Variants in HSPG2 observed in about 807,000 individuals in gnomAD.
HSPG2 encodes basement membrane-specific heparan sulfate proteoglycan core protein.
Under a neutral mutation model 526.6 loss-of-function variants are expected in HSPG2, and 278 were observed. The observed-to-expected ratio is 0.53, with a 90% CI of 0.48 to 0.58. The LOEUF (loss-of-function observed/expected upper bound fraction) is 0.58, where lower values mean the gene tolerates loss of function less well. Ranked by LOEUF, HSPG2 falls within the 20% of genes least tolerant of loss-of-function variation. The pLI is 0.00. For synonymous variants in HSPG2, 2,465 were observed against 2,555.4 expected, an observed-to-expected ratio of 0.96 and a Z score of 1.07; for missense variants, 5,354 against 6,099.5, an observed-to-expected ratio of 0.88 and a Z score of 4.07.
In HSPG2 at chr1:21,884,593, C is replaced by T. The variant is rs776764696; in HGVS notation, c.1589G>A (p.Cys530Tyr). The part of the protein sequence containing the change: ...PCFCFGITSV[C>Y]QSTRRFRDQI... ...GTCCCGGAAGCGGCGGGTGCTCTGG[C>T]ACACGCTGGTGATGCCAAAGCAGAA... The change falls in exon 13 of 97, where the codon TGC (cysteine) becomes TAC (tyrosine). Residue 530 changes from cysteine to tyrosine, a missense_variant. By Grantham distance (194) the Cys-to-Tyr change is radical. Coordinates refer to ENST00000374695, the MANE Select transcript of HSPG2 (RefSeq NM_005529.7). The T allele has an allele frequency of 6.2e-7, 1 of 1,610,600 alleles. No individual in the cohort carries two copies. The highest frequency in any genetic ancestry group is 8.5e-7 in the Non-Finnish European group (1 of 1,179,770).
Position 21,828,266 on chromosome 1 carries a change from T to C in HSPG2, c.12398A>G (p.Asp4133Gly). 5 of 1,613,592 alleles carry C rather than the reference T, an allele frequency of 3.1e-6. No homozygotes were observed. The highest frequency in any genetic ancestry group is 4.2e-6 in the Non-Finnish European group (5 of 1,180,004). Reference sequence around the variant, plus strand: ...GCAGGCTTTCCCACCTTTGAATCCATCTCGACACAGGCACTGGAACTCATA... The same window carrying C: ...GCAGGCTTTCCCACCTTTGAATCCACCTCGACACAGGCACTGGAACTCATA... ...GEYEFQCLCR[D>G]GFKGDLCEHE... The change falls in exon 89 of 97, where the codon GAT becomes GGT. Residue 4133 changes from aspartate to glycine, a missense_variant. Coordinates refer to ENST00000374695, the MANE Select transcript of HSPG2 (RefSeq NM_005529.7). The surrounding 1 kb of genome is among the most constrained non-coding windows in gnomAD (Gnocchi z 6.0).
At chr1:21,916,068 G>GAA (rs550337052) in intron 1 of HSPG2, among the ~76,000 whole-genome samples, 18 of 47,774 alleles carry the variant, frequency 3.8e-4, no homozygotes, top group East Asian at 1.9e-3. Context: ...AAAAGAAGAA[G>GAA]AAGAAAAAAA....
At chr1:21,899,584 T>G (rs1642979541) in intron 1 of HSPG2, among the ~76,000 whole-genome samples, 5 of 152,120 alleles carry the variant, frequency 3.3e-5, no homozygotes, top group Non-Finnish European at 7.4e-5. Context: ...CAGCTACCAC[T>G]GTGCTATATC....
chr1:21,885,369 G>A lies in HSPG2; in HGVS notation c.1161C>T (p.His387=). ...STNMCIPASF[H]CDEESDCPDR... ...CAGGACAGTCGCTCTCCTCGTCACA[G>A]TGGAAGCTGGCTGGGATGCACATGT... The change falls in exon 10 of 97, where the codon CAC becomes CAT. Residue 387 remains histidine (H), a synonymous_variant. Transcript: ENST00000374695. 6.2e-7 allele frequency: 1 copy of A among 1,614,154 alleles called. No individual in the cohort carries two copies. Among genetic ancestry groups the A allele is most frequent in the Non-Finnish European group, 8.5e-7 (1 of 1,180,022 alleles).
At chr1:21,905,261 C>CCACACA (rs112940334) in intron 1 of HSPG2, among the ~76,000 whole-genome samples, 7 of 146,104 alleles carry the variant, frequency 4.8e-5, no homozygotes, top group Non-Finnish European at 7.5e-5. Context: ...CCACACACAC[C>CCACACA]CACACACACA....
Position 21,854,639 on chromosome 1 carries a change from C to A in HSPG2, c.6260G>T (p.Arg2087Leu). The change falls in exon 49 of 97, where the codon CGA becomes CTA. Residue 2087 changes from arginine (R) to leucine (L), a missense_variant. Physicochemically the swap from Arg to Leu is moderately radical, Grantham distance 102. Transcript: ENST00000374695. The part of the protein sequence containing the change: ...SAHAQVTWYR[R>L]GGSLPPHTQV... The stretch of plus-strand genomic sequence containing the variant: ...GGTGTGGGGAGGCAGGCTACCCCCT[C>A]GCCTGTACCAGGTGACCTGGGCATG... 1 of 1,582,910 alleles carries A rather than the reference C, an allele frequency of 6.3e-7. No homozygotes were observed. Among genetic ancestry groups the A allele is most frequent in the Non-Finnish European group, 8.6e-7 (1 of 1,163,686 alleles).
Position 21,864,051 on chromosome 1 carries a change from C to A in HSPG2, c.4740+49G>T, listed in dbSNP as rs757604763. On this transcript the variant is annotated intron_variant, in intron 37 of 96. Coordinates refer to ENST00000374695, the MANE Select transcript of HSPG2 (RefSeq NM_005529.7). The surrounding 1 kb of genome is among the most constrained non-coding windows in gnomAD (Gnocchi z 4.8). ...GCCTTGTCCAGCCCTGGTCCCCCAC[C>A]CAGGCCCAGCTGAGCTGACCCCCTG... The A allele has an allele frequency of 7.0e-7, 1 of 1,418,922 alleles. No homozygotes were observed. Among genetic ancestry groups the A allele is most frequent in the South Asian group, 1.2e-5 (1 of 81,350 alleles). 87.9% of individuals were successfully genotyped at this position (1,418,922 alleles called of 1,614,324 possible).
At position 21,895,909 on chromosome 1, in the gene HSPG2, T is replaced by C. The variant is rs758597771; in HGVS notation, c.244+13A>G. On this transcript the variant is annotated intron_variant, in intron 3 of 96. Coordinates refer to ENST00000374695, the MANE Select transcript of HSPG2 (RefSeq NM_005529.7). The surrounding 1 kb of genome is among the most constrained non-coding windows in gnomAD (Gnocchi z 4.1). ...ACAGGAGGGAGACCTGCAGGAGGCC[T>C]GCAGCAACTTACCCATCTGGAAGTC... is the stretch of plus-strand genomic sequence containing the variant. The C allele has an allele frequency of 6.2e-7, 1 of 1,613,678 alleles. No individual in the cohort carries two copies. Among genetic ancestry groups the C allele is most frequent in the Non-Finnish European group, 8.5e-7 (1 of 1,179,700 alleles).
chr1:21,892,927 G>C (rs1043949748), intron 3 of HSPG2, among the ~76,000 whole-genome samples: 4 of 151,920 alleles, frequency 2.6e-5, no homozygotes, highest in Admixed American at 6.5e-5. Flanking sequence ...AAGGACACTG[G>C]TGCAGCCAGC....
Position 21,865,702 on chromosome 1 carries a change from T to C in HSPG2, c.4314+15A>G. ...CTGCCCTTCTGCCCACCCAGCATGG[T>C]GTCCAAATGCTCACCGTGATCTGCA... On this transcript the variant is annotated intron_variant, in intron 34 of 96. Transcript: ENST00000374695. This position sits in a 1 kb window ranked among gnomAD's most constrained non-coding sequence, Gnocchi z 5.4. 2 of 1,603,106 alleles carry C rather than the reference T, an allele frequency of 1.2e-6. No homozygotes were observed. The highest frequency in any genetic ancestry group is 8.5e-7 in the Non-Finnish European group (1 of 1,170,508).
chr1:21,852,994 G>A lies in HSPG2; in HGVS notation c.6516C>T (p.Asn2172=). 1 of 1,613,792 alleles carries A rather than the reference G, an allele frequency of 6.2e-7. No homozygotes were observed. ...HVAEGQTLDL[N]CVVPGQAHAQ... ...CGTGGGCCTGCCCGGGCACCACGCA[G>A]TTCAGATCCAGGGTCTGCCCTTCCG... is the stretch of plus-strand genomic sequence containing the variant. Residue 2172 remains asparagine, a synonymous_variant, in exon 51 of 97, where the codon AAC becomes AAT. Transcript: ENST00000374695.
rs757944521 is a variant in HSPG2, at chr1:21,831,779, C to A, written c.11225G>T (p.Gly3742Val). 1 of 1,601,806 alleles carries A rather than the reference C, an allele frequency of 6.2e-7. No individual in the cohort carries two copies. Among genetic ancestry groups the A allele is most frequent in the Non-Finnish European group, 8.5e-7 (1 of 1,171,858 alleles). ...TGTGGGATGGCGGATGGTGGCCATGCCTGAGCCTGCATCGAACCTGCTCCG... is the reference window on the plus strand; with the variant it reads ...TGTGGGATGGCGGATGGTGGCCATGACTGAGCCTGCATCGAACCTGCTCCG... Reference protein sequence around the residue: ...RPEFRFDAGSGMATIRHPTPL... With the variant: ...RPEFRFDAGSVMATIRHPTPL... The change falls in exon 82 of 97, where the codon GGC becomes GTC. Residue 3742 changes from glycine to valine, a missense_variant. By Grantham distance (109) the Gly-to-Val change is moderately radical. Transcript: ENST00000374695.
rs756566103 is a variant in HSPG2, at chr1:21,881,464, G to T, written c.1693C>A (p.Pro565Thr). ...ATCTGCAGCTGCGTGGAGGAGAGGG[G>T]TGGCGTGCCGGGCTGCGCAGGCATT... is the stretch of plus-strand genomic sequence containing the variant. ...VTMPAQPGTP[P>T]LSSTQLQIDP... Residue 565 changes from proline to threonine, a missense_variant, in exon 14 of 97, where the codon CCC (proline) becomes ACC (threonine). Physicochemically the swap from Pro to Thr is conservative, Grantham distance 38. Coordinates refer to ENST00000374695, the MANE Select transcript of HSPG2 (RefSeq NM_005529.7). The T allele has an allele frequency of 5.6e-6, 9 of 1,613,194 alleles. No individual in the cohort carries two copies. The South Asian group carries it at 9.9e-5, about 18-fold the overall frequency.
At chr1:21,825,089 C>A in intron 91 of HSPG2, 1 of 434,334 alleles carries the variant, frequency 2.3e-6, no homozygotes, top group Non-Finnish European at 4.3e-6. Flanking sequence ...TATCACATGA[C>A]AGTAGCTGCA....
At chr1:21,826,578 T>C (rs754397103) in intron 91 of HSPG2, among the ~76,000 whole-genome samples, 19 of 152,066 alleles carry the variant, frequency 1.2e-4, no homozygotes, top group Non-Finnish European at 2.5e-4. Context: ...CATGCAATCT[T>C]GGCTCATGGC....
intron 1 of HSPG2, among the ~76,000 whole-genome samples, chr1:21,905,096 C>A (rs1007279374): frequency 6.6e-6 from 1 of 152,044 alleles, no homozygotes; most frequent in Admixed American, 6.6e-5. Flanking sequence ...GACTCACCAA[C>A]GGGTGAGAGG....
intron 43 of HSPG2, 33 bp from the exon 44 acceptor site, chr1:21,857,228 G>A (rs770038718): frequency 1.9e-6 from 3 of 1,613,724 alleles, no homozygotes; most frequent in South Asian, 1.1e-5. Flanking sequence ...GTCATGGGTG[G>A]GGCTCAGAGA....
chr1:21,936,331 G>T (rs1644487598), intron 1 of HSPG2, among the ~76,000 whole-genome samples: 1 of 152,178 alleles, frequency 6.6e-6, no homozygotes, highest in African/African-American at 2.4e-5. Flanking sequence ...CAGAGTAGGG[G>T]ACTAGACTGC....
chr1:21,887,525 A>G lies in HSPG2; in HGVS notation c.853T>C (p.Cys285Arg). ...LLPGSVRPLP[C>R]GPQEAACRNG... ...CGGCATGCGGCCTCCTGGGGCCCACAGGGCAGGGGCCTGACGGAACCGGGA... is the reference window on the plus strand; with the variant it reads ...CGGCATGCGGCCTCCTGGGGCCCACGGGGCAGGGGCCTGACGGAACCGGGA... The change falls in exon 8 of 97, where the codon TGT (cysteine) becomes CGT (arginine). Residue 285 changes from cysteine (C) to arginine (R), a missense_variant. By Grantham distance (180) the Cys-to-Arg change is radical (BLOSUM62 -3). Coordinates refer to ENST00000374695, the MANE Select transcript of HSPG2 (RefSeq NM_005529.7). The surrounding 1 kb of genome is among the most constrained non-coding windows in gnomAD (Gnocchi z 5.0). 6.2e-7 allele frequency: 1 copy of G among 1,614,004 alleles called. No homozygotes were observed. The highest frequency in any genetic ancestry group is 8.5e-7 in the Non-Finnish European group (1 of 1,179,972).
Sources: gnomAD v4.1 joint callset for allele counts (sites outside exome capture counted in the v4.1 genomes callset) on GRCh38, gnomAD v4.1.1 for gene constraint, Gnocchi (gnomAD v3.1) non-coding constraint, MANE v1.5 for transcripts, NCBI Gene and HGNC (gene_info 2026-07-23, HGNC 2026-07-21) for gene names.